Variants in DUXA observed in about 807,000 individuals in gnomAD.
DUXA encodes double homeobox A.
DUXA carries 25 observed loss-of-function variants against 27.5 expected under a neutral mutation model. That is an observed-to-expected ratio of 0.91 (90% confidence interval 0.66 to 1.27). DUXA has a LOEUF of 1.27. DUXA is among the 50% of genes most tolerant of loss of function. The pLI, the probability that DUXA is intolerant of heterozygous loss-of-function variation, is 0.00. For synonymous variants in DUXA, 90 were observed against 80.5 expected (o/e 1.12, Z -0.63); for missense variants, 247 against 242.9 (o/e 1.02, Z -0.11).
At chr19:57,156,758 G>A (rs1297650829) in intron 4 of DUXA, among the ~76,000 whole-genome samples, 2 of 151,994 alleles carry the variant, frequency 1.3e-5, no homozygotes, top group Non-Finnish European at 2.9e-5. Context: ...TCCGCCTCCC[G>A]GGTTCAAGCA....
intron 1 of DUXA, among the ~76,000 whole-genome samples, chr19:57,164,006 A>G (rs2087038055): frequency 6.6e-6 from 1 of 152,160 alleles, no homozygotes; most frequent in East Asian, 1.9e-4. Context: ...CCTTGAGTCC[A>G]GGAGTTCAAG....
intron 5 of DUXA, among the ~76,000 whole-genome samples, chr19:57,154,781 T>A (rs554901681): frequency 6.6e-6 from 1 of 152,084 alleles, no homozygotes; most frequent in Non-Finnish European, 1.5e-5. Flanking sequence ...GCCAGGATGG[T>A]CTCGATCTCC....
chr19:57,156,525 T>C (rs1016188034), intron 4 of DUXA, among the ~76,000 whole-genome samples: 6 of 151,534 alleles, frequency 4.0e-5, no homozygotes, highest in African/African-American at 1.5e-4. Flanking sequence ...CCTCAGCCTC[T>C]CGCGTAACTG....
At chr19:57,161,245 A>G (rs2087019559) in intron 1 of DUXA, among the ~76,000 whole-genome samples, 1 of 146,156 alleles carries the variant, frequency 6.8e-6, no homozygotes, top group Non-Finnish European at 1.5e-5. Context: ...AAATCGCTTG[A>G]ACCTGGGAGG....
chr19:57,165,309 G>GAAAA (rs71186231), intron 1 of DUXA, among the ~76,000 whole-genome samples: 2 of 116,416 alleles, frequency 1.7e-5, no homozygotes, highest in East Asian at 2.5e-4. Flanking sequence ...TCTGGAGTAG[G>GAAAA]AAAAAAAAAA....
At chr19:57,154,689 G>C (rs376566136) in intron 5 of DUXA, among the ~76,000 whole-genome samples, 8 of 151,568 alleles carry the variant, frequency 5.3e-5, no homozygotes, top group Non-Finnish European at 1.0e-4. Context: ...TCAGCCTCCC[G>C]AGTAGCTGGG....
chr19:57,155,061 G>C (rs1302890585), intron 5 of DUXA, among the ~76,000 whole-genome samples: 2 of 152,222 alleles, frequency 1.3e-5, no homozygotes, highest in Non-Finnish European at 2.9e-5. Flanking sequence ...CTGGAATCCA[G>C]TTGGAAAGTG....
At chr19:57,163,276 A>C (rs11668004) in intron 1 of DUXA, among the ~76,000 whole-genome samples, 29,432 of 151,806 alleles carry the variant, frequency 0.19, 3,732 homozygotes, top group Non-Finnish European at 0.29. Context: ...TCCACACCCC[A>C]TGCTATGACC....
chr19:57,158,243 G>A, intron 4 of DUXA, 85 bp downstream of exon 4: 8 of 1,488,362 alleles, frequency 5.4e-6, no homozygotes, highest in Non-Finnish European at 6.5e-6. Context: ...CCAGCATGAT[G>A]AGGAACTGCC....
chr19:57,162,278 A>C (rs2087028187), intron 1 of DUXA, among the ~76,000 whole-genome samples: 1 of 152,340 alleles, frequency 6.6e-6, no homozygotes, highest in South Asian at 2.1e-4. Context: ...AAAACACCAC[A>C]GGGAGGACAA....
intron 4 of DUXA, among the ~76,000 whole-genome samples, chr19:57,156,295 G>A (rs567528874): frequency 2.0e-5 from 3 of 152,078 alleles, no homozygotes; most frequent in Admixed American, 6.6e-5. Context: ...TGTGCCCATA[G>A]ATTATACACA....
At chr19:57,161,184 T>G (rs1179667220) in intron 1 of DUXA, among the ~76,000 whole-genome samples, 2 of 150,190 alleles carry the variant, frequency 1.3e-5, no homozygotes, top group African/African-American at 4.9e-5. Flanking sequence ...AATTAGCCAG[T>G]CGTGGTGGCG....
Position 57,160,813 on chromosome 19 carries a change from A to G in DUXA, c.26-16T>C, listed in dbSNP as rs2087017128. ...TTTACCATCTCTGTAGGAAGATTAC[A>G]AAAGAAGAAGCATGTAATAGGTTAA... On this transcript the variant is annotated splice_polypyrimidine_tract_variant and intron_variant, in intron 1 of 5. Transcript: ENST00000554048. 4 of 1,612,924 alleles carry G rather than the reference A, an allele frequency of 2.5e-6. No homozygotes were observed. Among genetic ancestry groups the G allele is most frequent in the Non-Finnish European group, 3.4e-6 (4 of 1,179,794 alleles).
intron 2 of DUXA, 134 bp downstream of exon 2, chr19:57,160,509 G>C: frequency 9.5e-7 from 1 of 1,050,512 alleles, no homozygotes; most frequent in Non-Finnish European, 1.4e-6. Context: ...CAACACCTTC[G>C]TGGGTTTATT....
chr19:57,154,567 CTTT>C (rs201840017), intron 5 of DUXA, 85 bp from the exon 6 acceptor site: 1,362 of 772,392 alleles, frequency 1.8e-3, no homozygotes, highest in Middle Eastern at 3.0e-3. Context: ...CCCACCTTTT[CTTT>C]TTTTTTTTTT....
chr19:57,158,455 C>T lies in DUXA; in HGVS notation c.311G>A (p.Cys104Tyr). 2 of 1,613,594 alleles carry T rather than the reference C, an allele frequency of 1.2e-6. No individual in the cohort carries two copies. The highest frequency in any genetic ancestry group is 1.7e-6 in the Non-Finnish European group (2 of 1,179,572). ...CTGAGAGGCGCTGTAGGTGGTACGA[C>T]ACCGTCTGGCTTCTCTACCTAGGGA... is the stretch of plus-strand genomic sequence containing the variant. ...VEFQSREARR[C>Y]RTTYSASQLH... The change falls in exon 4 of 6, where the codon TGT (cysteine) becomes TAT (tyrosine). Residue 104 changes from cysteine (C) to tyrosine (Y), a missense_variant. By Grantham distance (194) the Cys-to-Tyr change is radical. Coordinates refer to ENST00000554048, the MANE Select transcript of DUXA (RefSeq NM_001012729.2).
intron 1 of DUXA, among the ~76,000 whole-genome samples, chr19:57,163,863 T>C (rs547938085): frequency 5.9e-5 from 9 of 152,336 alleles, no homozygotes; most frequent in African/African-American, 2.2e-4. Context: ...TTATCTTACA[T>C]TTTGAATGGC....
At chr19:57,163,354 C>T (rs983397600) in intron 1 of DUXA, among the ~76,000 whole-genome samples, 3 of 152,072 alleles carry the variant, frequency 2.0e-5, no homozygotes, top group African/African-American at 4.8e-5. Flanking sequence ...CCTAGGTTGC[C>T]CAGGCTGTAT....
In DUXA at chr19:57,167,330, C is replaced by T. The variant is rs892283239; in HGVS notation, c.25+89G>A. 6.5e-6 allele frequency: 10 copies of T among 1,527,984 alleles called. No homozygotes were observed. The East Asian group carries it at 1.4e-4, about 21-fold the overall frequency. The allele number at this position is 1,527,984 out of a possible 1,614,324, so 94.7% of individuals were successfully genotyped here. A position where few individuals can be genotyped will look rare whatever the true frequency, so the allele number is the denominator to read the frequency against. On this transcript the variant is annotated intron_variant, in intron 1 of 5. Transcript: ENST00000554048. ...ATACAGTTAAAGTTTAAAAATGGAACTCTCACAACTTCTGACAAGACCACT... is the reference window on the plus strand; with the variant it reads ...ATACAGTTAAAGTTTAAAAATGGAATTCTCACAACTTCTGACAAGACCACT...
Sources: allele counts gnomAD v4.1 joint callset (sites outside exome capture counted in the v4.1 genomes callset), GRCh38; gene constraint gnomAD v4.1.1; transcripts MANE v1.5; gene names NCBI Gene and HGNC (gene_info 2026-07-23, HGNC 2026-07-21).